The following STEEP1 variants were observed in gnomAD, a reference collection of about 807,000 sequenced individuals.
STEEP1 encodes STING1 ER exit protein 1, also known as STING ER exit protein.
Under a neutral mutation model 19.2 loss-of-function variants are expected in STEEP1, and 3 were observed. The ratio of observed to expected loss-of-function variants is 0.16; its 90% CI spans 0.07 to 0.40. The LOEUF (loss-of-function observed/expected upper bound fraction) is 0.40. Among genes scored for constraint, STEEP1 ranks in the 10% least tolerant of loss-of-function variants. The pLI, the probability that STEEP1 is intolerant of heterozygous loss-of-function variation, is 0.99. For synonymous variants in STEEP1, 46 were observed against 63.7 expected, an observed-to-expected ratio of 0.72 and a Z score of 1.32; for missense variants, 54 against 177.1, an observed-to-expected ratio of 0.30 and a Z score of 3.94.
chrX:119,544,347 A>G lies in STEEP1; in HGVS notation c.423+6T>C, dbSNP rs930083636. The G allele has an allele frequency of 1.7e-6, 2 of 1,203,671 alleles. No individual in the cohort carries two copies. On this transcript the variant is annotated splice_donor_region_variant and intron_variant, in intron 4 of 6. Transcript: ENST00000644802. The stretch of plus-strand genomic sequence containing the variant: ...ATTAAGCAGTCTCTCCTTCAATGGT[A>G]ATTACCTTCTTAGGAGGCTCTTGTT...
At chrX:119,545,893 CAAA>C (rs71927150) in intron 2 of STEEP1, among the ~76,000 whole-genome samples, 3 of 55,402 alleles carry the variant, frequency 5.4e-5, no homozygotes. Flanking sequence ...AACTCCGTCT[CAAA>C]AAAAAAAAAA....
At chrX:119,563,824 G>C (rs1459017470) in intron 1 of STEEP1, among the ~76,000 whole-genome samples, 1 of 112,172 alleles carries the variant, frequency 8.9e-6, no homozygotes, top group Non-Finnish European at 1.9e-5. Context: ...GTACGTGACA[G>C]ACAGAAGTCA....
chrX:119,545,263 G>C (rs1463833803), intron 3 of STEEP1, among the ~76,000 whole-genome samples, 200 bp downstream of exon 3: 1 of 107,512 alleles, frequency 9.3e-6, no homozygotes, highest in Non-Finnish European at 1.9e-5. Context: ...TGAGGCAGGA[G>C]AATCGCTTAA....
chrX:119,565,358 T>A lies in STEEP1; in HGVS notation c.-3A>T, dbSNP rs764324871. On this transcript the variant is annotated 5_prime_UTR_variant, in exon 1 of 7. Transcript: ENST00000644802. ...GACCGAGACACTACTTTCGGCATGA[T>A]TCCCAAGAGCAATCTGAAAACTCTA... is the stretch of plus-strand genomic sequence containing the variant. 1.7e-6 allele frequency: 2 copies of A among 1,188,504 alleles called. No individual in the cohort carries two copies. Among genetic ancestry groups the A allele is most frequent in the Non-Finnish European group, 2.3e-6 (2 of 878,617 alleles).
intron 2 of STEEP1, among the ~76,000 whole-genome samples, chrX:119,545,893 CAAAA>C (rs71927150): frequency 1.8e-5 from 1 of 55,440 alleles, no homozygotes; most frequent in African/African-American, 7.1e-5. Context: ...AACTCCGTCT[CAAAA>C]AAAAAAAAAA....
intron 4 of STEEP1, 24 bp from the exon 5 acceptor site, chrX:119,542,618 T>C: frequency 9.1e-7 from 1 of 1,096,528 alleles, no homozygotes; most frequent in Non-Finnish European, 1.3e-6. Context: ...CAAGAAGAAG[T>C]CAGTCCGGTT....
At chrX:119,540,164 G>A (rs760169360) in intron 6 of STEEP1, among the ~76,000 whole-genome samples, 1 of 111,791 alleles carries the variant, frequency 8.9e-6, no homozygotes, top group African/African-American at 3.2e-5. Context: ...AAGTTATATG[G>A]TCTATGAACT....
At chrX:119,554,791 G>A (rs1300705365) in intron 2 of STEEP1, among the ~76,000 whole-genome samples, 2 of 110,969 alleles carry the variant, frequency 1.8e-5, no homozygotes, top group African/African-American at 6.6e-5. Flanking sequence ...GAGACACCTT[G>A]GAAGATGACT....
At position 119,541,427 on chromosome X, in the gene STEEP1, GA is replaced by G. The variant is rs995397681; in HGVS notation, c.514-8del. 14 of 1,074,917 alleles carry G rather than the reference GA, an allele frequency of 1.3e-5. No homozygotes were observed. The highest frequency in any genetic ancestry group is 1.8e-5 in the Non-Finnish European group (14 of 774,173). The allele number at this position is 1,074,917 out of a possible 1,213,427, so 88.6% of individuals were successfully genotyped here. A position where few individuals can be genotyped will look rare whatever the true frequency, so the allele number is the denominator to read the frequency against. ...ATGAGTCAGCAACTTCCCTCTGAAG[GA>G]AAAAAGGAGCATCCTTAAACCGGAA... On this transcript the variant is annotated splice_region_variant and splice_polypyrimidine_tract_variant and intron_variant, in intron 5 of 6. Coordinates refer to ENST00000644802, the MANE Select transcript of STEEP1 (RefSeq NM_022101.4).
At position 119,563,931 on chromosome X, in the gene STEEP1, G is replaced by A. The variant is rs1173824404; in HGVS notation, c.124+1301C>T. 2.7e-5 allele frequency among the ~76,000 whole-genome samples: 3 copies of A among 111,589 alleles called. No homozygotes were observed. In the East Asian group the frequency reaches 8.4e-4, roughly 31 times the overall value. ...TAAGAGGAGCAATTGGAGAGGGGGT[G>A]TAGAGGGTCATGAACTCAATTTTCA... On this transcript the variant is annotated intron_variant, in intron 1 of 6. Coordinates refer to ENST00000644802, the MANE Select transcript of STEEP1 (RefSeq NM_022101.4).
At chrX:119,556,676 A>G (rs2053280887) in intron 2 of STEEP1, among the ~76,000 whole-genome samples, 1 of 110,944 alleles carries the variant, frequency 9.0e-6, no homozygotes, top group African/African-American at 3.3e-5. Context: ...GGCCTTCATC[A>G]TGTTGGATCT....
rs11301168 is a variant in STEEP1, at chrX:119,565,055, G to GA, written c.124+176dup. 1.9e-3 allele frequency: 1,058 copies of GA among 562,178 alleles called. 1 individual carries two copies. Among genetic ancestry groups the GA allele is most frequent in the Middle Eastern group, 2.8e-3 (4 of 1,437 alleles). 46.3% of individuals were successfully genotyped at this position (562,178 alleles called of 1,213,427 possible). On this transcript the variant is annotated intron_variant, in intron 1 of 6. Transcript: ENST00000644802. ...AGTCACAAGGCTAAACAAAAAGCAG[G>GA]AAAAAAAAAAATGCCCTGGAGTGGG...
In STEEP1 at chrX:119,538,404, T is replaced by TC. The variant is rs1348043652; in HGVS notation, c.*1322dup. On this transcript the variant is annotated 3_prime_UTR_variant, in exon 7 of 7. Transcript: ENST00000644802. ...ATCAGCTGCCCGACTAGAGGGTAGC[T>TC]CCCTCCCTTGGGTTACTTTTTTTTT... is the stretch of plus-strand genomic sequence containing the variant. The TC allele has an allele frequency of 9.3e-6, 1 of 106,958 alleles. No individual in the cohort carries two copies. Among genetic ancestry groups the TC allele is most frequent in the Non-Finnish European group, 1.9e-5 (1 of 51,869 alleles). The allele number at this position is 106,958 out of a possible 1,213,427, so 8.8% of individuals were successfully genotyped here.
At position 119,563,101 on chromosome X, in the gene STEEP1, A is replaced by G. The variant is rs2053331862; in HGVS notation, c.124+2131T>C. Reference sequence around the variant, plus strand: ...GGCCTGATCAAGGGTCTTGGTATGGATGGACTTTGGTTTTATTCTCAGTGT... The same window carrying G: ...GGCCTGATCAAGGGTCTTGGTATGGGTGGACTTTGGTTTTATTCTCAGTGT... On this transcript the variant is annotated intron_variant, in intron 1 of 6. Transcript: ENST00000644802. 3.6e-5 allele frequency among the ~76,000 whole-genome samples: 4 copies of G among 112,095 alleles called. No individual in the cohort carries two copies. In the Admixed American group the frequency reaches 3.8e-4, roughly 11 times the overall value.
chrX:119,560,837 G>A (rs2147361116), intron 1 of STEEP1, among the ~76,000 whole-genome samples: 1 of 110,977 alleles, frequency 9.0e-6, no homozygotes, highest in South Asian at 3.8e-4. Context: ...GCTAAGAAAA[G>A]GAGAGAGGCT....
intron 2 of STEEP1, among the ~76,000 whole-genome samples, chrX:119,557,796 C>T (rs1015917090): frequency 8.9e-6 from 1 of 111,965 alleles, no homozygotes; most frequent in Non-Finnish European, 1.9e-5. Flanking sequence ...GGATTCTCCC[C>T]TACAATCTTG....
chrX:119,545,022 G>A lies in STEEP1; in HGVS notation c.284+441C>T, dbSNP rs193234597. Among the ~76,000 whole-genome samples the A allele has an allele frequency of 3.8e-4, 42 of 110,894 alleles. No individual in the cohort carries two copies. The East Asian group carries it at 0.011, about 29-fold the overall frequency. On this transcript the variant is annotated intron_variant, in intron 3 of 6. Transcript: ENST00000644802. Reference sequence around the variant, plus strand: ...CTCTTTGGGGAACATATTGGTATTTGTGCATAGTTGAAGTCTGAAGGCAGT... The same window carrying A: ...CTCTTTGGGGAACATATTGGTATTTATGCATAGTTGAAGTCTGAAGGCAGT...
intron 1 of STEEP1, 70 bp downstream of exon 1, chrX:119,565,162 G>A: frequency 8.8e-7 from 1 of 1,138,091 alleles, no homozygotes; most frequent in African/African-American, 1.8e-5. Context: ...ATCACAGCCA[G>A]AGGAAATTCG....
chrX:119,544,214 A>G, intron 4 of STEEP1, 139 bp downstream of exon 4: 1 of 475,479 alleles, frequency 2.1e-6, no homozygotes, highest in Non-Finnish European at 3.3e-6. Context: ...AAGAAATAAA[A>G]TAAGAAAAAG....
Sources: allele counts gnomAD v4.1 joint callset (sites outside exome capture counted in the v4.1 genomes callset), GRCh38; gene constraint gnomAD v4.1.1; transcripts MANE v1.5; gene names NCBI Gene and HGNC (gene_info 2026-07-23, HGNC 2026-07-21).